Variants in NALCN observed in about 807,000 individuals in gnomAD.
The protein encoded by NALCN is sodium leak channel, non-selective, also known as sodium leak channel NALCN.
In NALCN, 111 loss-of-function variants were observed where a neutral mutation model predicts 225.3. The ratio of observed to expected loss-of-function variants is 0.49; its 90% confidence interval spans 0.42 to 0.58. The LOEUF (loss-of-function observed/expected upper bound fraction) is 0.58, where lower values mean the gene tolerates loss of function less well. Ranked by LOEUF, NALCN falls within the 20% of genes least tolerant of loss-of-function variation. The pLI, the probability that NALCN is intolerant of heterozygous loss-of-function variation, is 0.00. For missense variants in NALCN, 1,378 were observed against 2,202.4 expected, an observed-to-expected ratio of 0.63 and a Z score of 7.49; for synonymous variants, 764 against 769.0, an observed-to-expected ratio of 0.99 and a Z score of 0.11.
chr13:101,299,390 C>G (rs192440967), intron 7 of NALCN, among the ~76,000 whole-genome samples: 2 of 152,274 alleles, frequency 1.3e-5, no homozygotes, highest in African/African-American at 4.8e-5. Context: ...TGACTGCCTT[C>G]TGAACTGTCC....
chr13:101,352,400 C>T (rs1260454147), intron 6 of NALCN, among the ~76,000 whole-genome samples: 1 of 151,916 alleles, frequency 6.6e-6, no homozygotes, highest in Non-Finnish European at 1.5e-5. Flanking sequence ...GAATAAATAG[C>T]ATAACATTCT....
At position 101,095,582 on chromosome 13, in the gene NALCN, G is replaced by A. The variant is rs759937590; in HGVS notation, c.3261C>T (p.Pro1087=). The A allele has an allele frequency of 6.2e-7, 1 of 1,611,628 alleles. No homozygotes were observed. The highest frequency in any genetic ancestry group is 8.5e-7 in the Non-Finnish European group (1 of 1,179,040). The change falls in exon 28 of 44, where the codon CCC becomes CCT. Residue 1087 remains proline (P), a synonymous_variant. Transcript: ENST00000251127. ...PGEKKPGFWV[P]RVWANPRNFN... Reference sequence around the variant, plus strand: ...TTTTATGATATACTTACCAAACACGGGGCACCCAAAATCCAGGTTTTTTCT... The same window carrying A: ...TTTTATGATATACTTACCAAACACGAGGCACCCAAAATCCAGGTTTTTTCT...
intron 9 of NALCN, among the ~76,000 whole-genome samples, chr13:101,291,038 C>T (rs2043533700): frequency 6.6e-6 from 1 of 152,120 alleles, no homozygotes; most frequent in African/African-American, 2.4e-5. Flanking sequence ...ATCTGAATTG[C>T]CCTCTTTTGT....
At chr13:101,395,452 T>A in intron 2 of NALCN, 87 bp from the exon 3 acceptor site, 1 of 1,307,346 alleles carries the variant, frequency 7.6e-7, no homozygotes, top group Non-Finnish European at 1.1e-6. Flanking sequence ...GAAAACATAA[T>A]ACTGAGGTTA....
intron 10 of NALCN, among the ~76,000 whole-genome samples, chr13:101,264,282 A>G (rs780312295): frequency 6.6e-6 from 1 of 152,048 alleles, no homozygotes. Flanking sequence ...TACACATTTG[A>G]TTTTTTAAAG....
intron 13 of NALCN, among the ~76,000 whole-genome samples, chr13:101,199,709 T>G: frequency 6.7e-6 from 1 of 150,066 alleles, no homozygotes; most frequent in Admixed American, 6.6e-5. Context: ...AATGACGAGT[T>G]AATGGGTGCA....
chr13:101,117,048 C>T, intron 18 of NALCN: 2 of 474,646 alleles, frequency 4.2e-6, no homozygotes, highest in Non-Finnish European at 8.4e-6. Context: ...TAGTGGATAC[C>T]CCACTCCTTT....
intron 6 of NALCN, chr13:101,368,527 G>A (rs373556608): frequency 7.2e-5 from 11 of 152,240 alleles, no homozygotes; most frequent in Admixed American, 4.6e-4. Flanking sequence ...AAAGGAAACA[G>A]AAAAGTTTAA....
intron 3 of NALCN, among the ~76,000 whole-genome samples, chr13:101,393,175 A>G (rs910605062): frequency 1.2e-4 from 19 of 152,202 alleles, no homozygotes; most frequent in Non-Finnish European, 1.5e-5. Flanking sequence ...GAATGAAAAA[A>G]TAGTAACTTA....
At chr13:101,312,869 A>G (rs1456667572) in intron 7 of NALCN, among the ~76,000 whole-genome samples, 1 of 152,176 alleles carries the variant, frequency 6.6e-6, no homozygotes, top group Admixed American at 6.5e-5. Flanking sequence ...AGCCCGCATC[A>G]CCAAGTCAAT....
intron 27 of NALCN, among the ~76,000 whole-genome samples, chr13:101,097,207 G>A (rs1190743904): frequency 6.6e-6 from 1 of 152,176 alleles, no homozygotes; most frequent in Non-Finnish European, 1.5e-5. Context: ...ATAAAAGGAA[G>A]AAAACTTACC....
At chr13:101,178,580 C>T (rs1434146014) in intron 14 of NALCN, among the ~76,000 whole-genome samples, 1 of 152,158 alleles carries the variant, frequency 6.6e-6, no homozygotes, top group East Asian at 1.9e-4. Context: ...CCTCCGTCTC[C>T]CCTTCTCCGT....
intron 17 of NALCN, among the ~76,000 whole-genome samples, chr13:101,138,999 T>C (rs2036936262): frequency 6.6e-6 from 1 of 152,140 alleles, no homozygotes; most frequent in Non-Finnish European, 1.5e-5. Flanking sequence ...AAATGACCAC[T>C]TGGGAAGGTC....
At chr13:101,270,626 A>T (rs1279218548) in intron 10 of NALCN, among the ~76,000 whole-genome samples, 1 of 152,252 alleles carries the variant, frequency 6.6e-6, no homozygotes, top group Non-Finnish European at 1.5e-5. Context: ...TATTTAGGAA[A>T]AACATTAAAA....
At chr13:101,149,514 C>T (rs2037531256) in intron 15 of NALCN, among the ~76,000 whole-genome samples, 1 of 152,186 alleles carries the variant, frequency 6.6e-6, no homozygotes, top group African/African-American at 2.4e-5. Context: ...TTTAAATTTA[C>T]TTCTATAGTA....
At chr13:101,056,830 T>C (rs1462120269) in intron 43 of NALCN, 2 of 152,122 alleles carry the variant, frequency 1.3e-5, no homozygotes, top group Non-Finnish European at 2.9e-5. Context: ...TGCTCAGAAA[T>C]CTTTGCTAGC....
chr13:101,359,314 G>A (rs76492983), intron 6 of NALCN, among the ~76,000 whole-genome samples: 4,917 of 152,224 alleles, frequency 0.032, 270 homozygotes, highest in African/African-American at 0.11. Context: ...ATTAGGAGAT[G>A]CTTGCTCCCT....
intron 7 of NALCN, among the ~76,000 whole-genome samples, chr13:101,322,709 T>A (rs796882216): frequency 1.3e-5 from 2 of 152,204 alleles, no homozygotes; most frequent in East Asian, 3.9e-4. Context: ...CTAAGCGTGG[T>A]TTTTTTATTT....
intron 7 of NALCN, among the ~76,000 whole-genome samples, chr13:101,323,715 T>C (rs1001980040): frequency 1.3e-5 from 2 of 152,040 alleles, no homozygotes; most frequent in African/African-American, 4.8e-5. Context: ...TGGAATCCAG[T>C]AGGAAGAAAA....
Sources: gnomAD v4.1 joint callset for allele counts (sites outside exome capture counted in the v4.1 genomes callset) on GRCh38, gnomAD v4.1.1 for gene constraint, MANE v1.5 for transcripts, NCBI Gene and HGNC (gene_info 2026-07-23, HGNC 2026-07-21) for gene names.